MACROD1: variants seen among roughly 807,000 people sequenced by gnomAD.
MACROD1 encodes the protein mono-ADP ribosylhydrolase 1, also known as ADP-ribose glycohydrolase MACROD1.
In MACROD1, 31 loss-of-function variants were observed where a neutral mutation model predicts 41.4. That is an observed-to-expected ratio of 0.75 (90% CI 0.56 to 1.01). The LOEUF is 1.01. MACROD1 is among the 50% of genes least tolerant of loss of function. The pLI is 0.00. For missense variants in MACROD1, 473 were observed against 460.0 expected (o/e 1.03, Z -0.26); for synonymous variants, 252 against 203.4 (o/e 1.24, Z -2.03).
At chr11:64,154,883 C>A (rs1945643604) in intron 1 of MACROD1, among the ~76,000 whole-genome samples, 1 of 152,182 alleles carries the variant, frequency 6.6e-6, no homozygotes, top group Admixed American at 6.5e-5. Flanking sequence ...GCACACCCAA[C>A]TAATTTTTGT....
At position 64,000,091 on chromosome 11, in the gene MACROD1, G is replaced by A. The variant is rs1028097704; in HGVS notation, c.664+136C>T. On this transcript the variant is annotated intron_variant, in intron 5 of 10. Transcript: ENST00000255681. ...CCTGGGGTGTGCGGGGTGGGGGCCG[G>A]GTCTTGGCCCTTAAGGTTAAGAAGG... 2.3e-5 allele frequency: 16 copies of A among 686,556 alleles called. 1 individual carries two copies. The South Asian group carries it at 3.0e-4, about 13-fold the overall frequency. 42.5% of individuals were successfully genotyped at this position (686,556 alleles called of 1,614,324 possible).
chr11:64,034,802 C>T (rs1222538589), intron 3 of MACROD1, among the ~76,000 whole-genome samples: 3 of 152,202 alleles, frequency 2.0e-5, no homozygotes, highest in African/African-American at 7.2e-5. Flanking sequence ...CACTGGGGCC[C>T]TGGTGGGGGC....
chr11:64,041,136 C>T (rs1468151815), intron 3 of MACROD1, among the ~76,000 whole-genome samples: 1 of 148,130 alleles, frequency 6.8e-6, no homozygotes, highest in African/African-American at 2.6e-5. Flanking sequence ...TTTTTCACGC[C>T]CCTTTCCCTC....
intron 3 of MACROD1, among the ~76,000 whole-genome samples, chr11:64,121,434 C>A (rs184267641): frequency 2.1e-3 from 322 of 152,354 alleles, no homozygotes; most frequent in African/African-American, 7.1e-3. Context: ...ACTTTCTCAT[C>A]TTTTCTGCCC....
At chr11:64,115,293 C>T (rs866047955) in intron 3 of MACROD1, among the ~76,000 whole-genome samples, 1 of 152,142 alleles carries the variant, frequency 6.6e-6, no homozygotes, top group Non-Finnish European at 1.5e-5. Context: ...TCCAAAATTA[C>T]ACCTTGCAGC....
In MACROD1 at chr11:64,064,152, T is replaced by C. The variant is rs1411608149; in HGVS notation, c.518-48871A>G. 6.6e-6 allele frequency among the ~76,000 whole-genome samples: 1 copy of C among 152,098 alleles called. No homozygotes were observed. Among genetic ancestry groups the C allele is most frequent in the Non-Finnish European group, 1.5e-5 (1 of 68,012 alleles). ...TCCCACTCTCCCTTTCAGCATCTTC[T>C]CTCTCTTGTCTTCTGAGGACAGATG... On this transcript the variant is annotated intron_variant, in intron 3 of 10. Coordinates refer to ENST00000255681, the MANE Select transcript of MACROD1 (RefSeq NM_014067.4). This position sits in a 1 kb window ranked among gnomAD's most constrained non-coding sequence, Gnocchi z 4.5.
intron 3 of MACROD1, among the ~76,000 whole-genome samples, chr11:64,093,846 C>G (rs910897509): frequency 6.6e-6 from 1 of 152,192 alleles, no homozygotes; most frequent in Non-Finnish European, 1.5e-5. Context: ...CTTCAATATA[C>G]CATTGATTCC....
chr11:64,118,199 C>G (rs1590935754), intron 3 of MACROD1: 1 of 1,613,418 alleles, frequency 6.2e-7, no homozygotes, highest in Non-Finnish European at 8.5e-7. Context: ...CCAACGGCAG[C>G]AGCCTCTGCA....
At chr11:64,030,650 C>T (rs1350988583) in intron 3 of MACROD1, among the ~76,000 whole-genome samples, 5 of 152,068 alleles carry the variant, frequency 3.3e-5, no homozygotes, top group African/African-American at 9.7e-5. Context: ...ACATGTTGGC[C>T]GGTAGATGAA....
intron 3 of MACROD1, chr11:64,116,465 C>T (rs754789004): frequency 1.2e-6 from 2 of 1,614,124 alleles, no homozygotes; most frequent in East Asian, 4.5e-5. Context: ...GCTTCATCTA[C>T]TGCAACGACC....
rs1281030879 is a variant in MACROD1, at chr11:64,090,429, G to A, written c.517+60810C>T. On this transcript the variant is annotated intron_variant, in intron 3 of 10. Coordinates refer to ENST00000255681, the MANE Select transcript of MACROD1 (RefSeq NM_014067.4). This position sits in a 1 kb window ranked among gnomAD's most constrained non-coding sequence, Gnocchi z 4.7. ...TATTTCCTCAACTCACCTCCAGCCC[G>A]GGCAGCAGTGGGTCGATAATAATTT... is the stretch of plus-strand genomic sequence containing the variant. Among the ~76,000 whole-genome samples the A allele has an allele frequency of 2.6e-5, 4 of 152,308 alleles. No individual in the cohort carries two copies. Among genetic ancestry groups the A allele is most frequent in the Admixed American group, 1.3e-4 (2 of 15,308 alleles).
chr11:64,049,967 G>A lies in MACROD1; in HGVS notation c.518-34686C>T, dbSNP rs553239007. 7.9e-5 allele frequency among the ~76,000 whole-genome samples: 12 copies of A among 152,338 alleles called. No individual in the cohort carries two copies. In the East Asian group the frequency reaches 2.3e-3, roughly 29 times the overall value. The stretch of plus-strand genomic sequence containing the variant: ...TCAGAGCCCTCTTGGCCTAGCGATC[G>A]CACAGAGCCAGCCCAGGCCTGGATG... On this transcript the variant is annotated intron_variant, in intron 3 of 10. Transcript: ENST00000255681.
At chr11:64,155,411 C>T (rs1590976797) in intron 1 of MACROD1, among the ~76,000 whole-genome samples, 1 of 152,224 alleles carries the variant, frequency 6.6e-6, no homozygotes, top group Non-Finnish European at 1.5e-5. Flanking sequence ...TTATAGGTCC[C>T]GCCAGGTTTG....
chr11:64,049,804 C>T (rs374570229), intron 3 of MACROD1, among the ~76,000 whole-genome samples: 46 of 152,294 alleles, frequency 3.0e-4, no homozygotes, highest in Middle Eastern at 3.4e-3. Flanking sequence ...CAAGTGAAGT[C>T]GTCTCTGCAG....
At chr11:63,999,864 TC>T (rs1389585187) in intron 5 of MACROD1, 101 bp from the exon 6 acceptor site, 5 of 1,323,112 alleles carry the variant, frequency 3.8e-6, no homozygotes, top group South Asian at 1.4e-5. Context: ...GAAACACCTT[TC>T]CCCCCAAGCG....
chr11:64,000,323 C>A lies in MACROD1; in HGVS notation c.568G>T (p.Ala190Ser). Residue 190 changes from alanine (A) to serine (S), a missense_variant, in exon 5 of 11, where the codon GCC becomes TCC. Coordinates refer to ENST00000255681, the MANE Select transcript of MACROD1 (RefSeq NM_014067.4). ...TCGTCGGTAAGCAGGGGGCCGGCGGCCCGATGAATGCAGCCGTCCACTGCG... is the reference window on the plus strand; with the variant it reads ...TCGTCGGTAAGCAGGGGGCCGGCGGACCGATGAATGCAGCCGTCCACTGCG... ...GGGVDGCIHR[A>S]AGPLLTDECR... 1 of 1,587,122 alleles carries A rather than the reference C, an allele frequency of 6.3e-7. No individual in the cohort carries two copies. Among genetic ancestry groups the A allele is most frequent in the Non-Finnish European group, 8.6e-7 (1 of 1,168,312 alleles).
At chr11:64,116,259 C>T in intron 3 of MACROD1, 2 of 1,591,536 alleles carry the variant, frequency 1.3e-6, no homozygotes. Context: ...ACGCCCCCAG[C>T]CATCCACCAT....
intron 3 of MACROD1, among the ~76,000 whole-genome samples, chr11:64,143,956 A>C (rs1335348514): frequency 6.6e-6 from 1 of 152,082 alleles, no homozygotes; most frequent in Non-Finnish European, 1.5e-5. Flanking sequence ...TTAACTGCAC[A>C]CGGTATGAAT....
chr11:64,066,473 G>A (rs993098684), intron 3 of MACROD1, among the ~76,000 whole-genome samples: 1 of 151,506 alleles, frequency 6.6e-6, no homozygotes, highest in Non-Finnish European at 1.5e-5. Context: ...TAAAAAATTA[G>A]CGGAGTGTGG....
Sources: allele counts gnomAD v4.1 joint callset (sites outside exome capture counted in the v4.1 genomes callset), GRCh38; gene constraint gnomAD v4.1.1; non-coding constraint Gnocchi (gnomAD v3.1); transcripts MANE v1.5; gene names NCBI Gene and HGNC (gene_info 2026-07-23, HGNC 2026-07-21).